JUP: variants seen among roughly 807,000 people sequenced by gnomAD.
JUP encodes junction plakoglobin, also known as catenin (cadherin-associated protein), gamma 80kDa.
A neutral mutation model predicts 71.1 loss-of-function variants in JUP; 28 were observed. The ratio of observed to expected loss-of-function variants is 0.39; its 90% CI spans 0.29 to 0.54. The LOEUF is 0.54. Among genes scored for constraint, JUP ranks in the 20% least tolerant of loss-of-function variants. The probability of loss-of-function intolerance (pLI) is 0.62; values close to 1 mark genes in which losing one functional copy is unlikely to be tolerated. For synonymous variants in JUP, 401 were observed against 438.9 expected, an observed-to-expected ratio of 0.91 and a Z score of 1.08; for missense variants, 869 against 1,030.1, an observed-to-expected ratio of 0.84 and a Z score of 2.14.
At position 41,771,818 on chromosome 17, in the gene JUP, C is replaced by T. The variant is rs2143738042; in HGVS notation, c.37G>A (p.Val13Met). 1 of 1,613,844 alleles carries T rather than the reference C, an allele frequency of 6.2e-7. No individual in the cohort carries two copies. Among genetic ancestry groups the T allele is most frequent in the Non-Finnish European group, 8.5e-7 (1 of 1,179,906 alleles). Residue 13 changes from valine (V) to methionine (M), a missense_variant, in exon 2 of 14, where the codon GTG becomes ATG. By Grantham distance (21) the Val-to-Met change is conservative. Transcript: ENST00000393931. The stretch of plus-strand genomic sequence containing the variant: ...GTGTATGTCTGCTGCCACTCAGTCA[C>T]CTTGATAGGCTGCTCCATCAGGTTC... ...VMNLMEQPIK[V>M]TEWQQTYTYD...
chr17:41,776,194 T>A (rs1941663228), intron 1 of JUP, among the ~76,000 whole-genome samples: 1 of 152,228 alleles, frequency 6.6e-6, no homozygotes, highest in African/African-American at 2.4e-5. Flanking sequence ...AGAGGTTCCT[T>A]AGGCTAGAGG....
chr17:41,762,960 T>C, intron 8 of JUP, 23 bp downstream of exon 8: 3 of 1,608,512 alleles, frequency 1.9e-6, no homozygotes, highest in South Asian at 2.2e-5. Context: ...AGGGAGCTCC[T>C]TCCCCTCGCC....
At chr17:41,757,821 G>C (rs782626658) in intron 10 of JUP, 37 bp from the exon 11 acceptor site, 1 of 1,570,234 alleles carries the variant, frequency 6.4e-7, no homozygotes, top group South Asian at 1.2e-5. Flanking sequence ...GGGAGAGGTG[G>C]AAAGGGGTGA....
At chr17:41,783,729 C>T (rs931373100) in intron 1 of JUP, among the ~76,000 whole-genome samples, 2 of 151,598 alleles carry the variant, frequency 1.3e-5, no homozygotes, top group Admixed American at 6.6e-5. Context: ...GACCAGCCTG[C>T]GCAACATGGT....
At chr17:41,760,040 C>T (rs1300812977) in intron 8 of JUP, among the ~76,000 whole-genome samples, 4 of 151,660 alleles carry the variant, frequency 2.6e-5, no homozygotes, top group Non-Finnish European at 5.9e-5. Flanking sequence ...ATGGTGAAAC[C>T]ACGTCTCTAC....
Position 41,755,629 on chromosome 17 carries a change from C to G in JUP, c.*115G>C, listed in dbSNP as rs1913568367. The G allele has an allele frequency of 9.6e-7, 1 of 1,040,940 alleles. No individual in the cohort carries two copies. Among genetic ancestry groups the G allele is most frequent in the Non-Finnish European group, 1.4e-6 (1 of 740,328 alleles). 64.5% of individuals were successfully genotyped at this position (1,040,940 alleles called of 1,614,324 possible). ...TTGGGGAAGCTCAGCAGCAAAGGATCCCCCCAAAAAAGGAGCGCAGGTTTC... is the reference window on the plus strand; with the variant it reads ...TTGGGGAAGCTCAGCAGCAAAGGATGCCCCCAAAAAAGGAGCGCAGGTTTC... On this transcript the variant is annotated 3_prime_UTR_variant, in exon 14 of 14. Transcript: ENST00000393931.
intron 1 of JUP, chr17:41,775,999 C>T (rs1195299563): frequency 1.0e-6 from 1 of 985,268 alleles, no homozygotes; most frequent in Non-Finnish European, 1.2e-6. Flanking sequence ...CCTTCCCCAG[C>T]CGGCACCTGC....
intron 2 of JUP, 121 bp from the exon 3 acceptor site, chr17:41,769,798 C>A (rs545209175): frequency 1.8e-6 from 2 of 1,125,312 alleles, no homozygotes; most frequent in African/African-American, 1.5e-5. Context: ...CTGCCCAAAC[C>A]CCCAGCACAT....
chr17:41,778,883 C>T (rs529271363), intron 1 of JUP, among the ~76,000 whole-genome samples: 1 of 151,210 alleles, frequency 6.6e-6, no homozygotes. Flanking sequence ...TGCACTCCAG[C>T]CTGGGTGACA....
At chr17:41,765,983 T>C (rs1915651512) in intron 5 of JUP, among the ~76,000 whole-genome samples, 1 of 152,202 alleles carries the variant, frequency 6.6e-6, no homozygotes. Flanking sequence ...AGGCTGGGTA[T>C]GGTGGCCCAT....
chr17:41,762,944 T>G, intron 8 of JUP, 39 bp downstream of exon 8: 1 of 1,588,506 alleles, frequency 6.3e-7, no homozygotes, highest in Non-Finnish European at 8.6e-7. Context: ...CACCTAAGCC[T>G]GCTGCAGGGA....
intron 6 of JUP, 27 bp downstream of exon 6, chr17:41,764,896 A>C (rs1915457159): frequency 6.2e-7 from 1 of 1,613,958 alleles, no homozygotes; most frequent in Non-Finnish European, 8.5e-7. Flanking sequence ...CTCCCACCCC[A>C]GCCGCCCTCA....
In JUP at chr17:41,765,012, T is replaced by C. The variant is rs1555603405; in HGVS notation, c.965A>G (p.Tyr322Cys). The change falls in exon 6 of 14, where the codon TAC (tyrosine) becomes TGC (cysteine). Residue 322 changes from tyrosine to cysteine, a missense_variant. Physicochemically the swap from Tyr to Cys is radical, Grantham distance 194 (BLOSUM62 -2). Coordinates refer to ENST00000393931, the MANE Select transcript of JUP (RefSeq NM_002230.4). ...PQALVQIMRN[Y>C]SYEKLLWTTS... ...GGTCCAGAGCAGCTTTTCATAACTG[T>C]AGTTACGCATGATCTGCACGAGGGC... is the stretch of plus-strand genomic sequence containing the variant. 6.2e-7 allele frequency: 1 copy of C among 1,613,832 alleles called. No homozygotes were observed. The highest frequency in any genetic ancestry group is 8.5e-7 in the Non-Finnish European group (1 of 1,179,912).
intron 1 of JUP, among the ~76,000 whole-genome samples, chr17:41,784,103 C>T (rs1353302010): frequency 6.6e-6 from 1 of 152,072 alleles, no homozygotes; most frequent in African/African-American, 2.4e-5. Flanking sequence ...CTCAGAACTG[C>T]CCCACTGTCC....
intron 7 of JUP, among the ~76,000 whole-genome samples, chr17:41,764,015 A>G (rs1320686637): frequency 1.3e-5 from 2 of 152,088 alleles, no homozygotes; most frequent in Non-Finnish European, 2.9e-5. Context: ...AGGGTCCCAC[A>G]CTCTAACCCC....
rs77622275 is a variant in JUP at position 41,784,614 on chromosome 17, C to G, written c.-9+1974G>C. ...CCCAAACTCCCTGCTCCTGTTGCTC[C>G]CCAGAGGTGCAGAATCCCATCCCCC... On this transcript the variant is annotated intron_variant, in intron 1 of 13. Transcript: ENST00000393931. Among the ~76,000 whole-genome samples, 1,511 of 152,240 alleles carry G rather than the reference C, an allele frequency of 9.9e-3. 11 individuals carry two copies. The highest frequency in any genetic ancestry group is 0.031 in the Middle Eastern group (9 of 294).
intron 1 of JUP, among the ~76,000 whole-genome samples, chr17:41,779,734 T>C (rs1476445564): frequency 6.6e-6 from 1 of 152,088 alleles, no homozygotes; most frequent in African/African-American, 2.4e-5. Context: ...GGCACAATCA[T>C]GGCTCACTGC....
Position 41,755,576 on chromosome 17 carries a change from G to T in JUP, c.*168C>A. On this transcript the variant is annotated 3_prime_UTR_variant, in exon 14 of 14. Coordinates refer to ENST00000393931, the MANE Select transcript of JUP (RefSeq NM_002230.4). ...CTCCCCATCCCCACCAAAGACACAAGAAGAAGGCAGGCCAGGGCACACCGT... is the reference window on the plus strand; with the variant it reads ...CTCCCCATCCCCACCAAAGACACAATAAGAAGGCAGGCCAGGGCACACCGT... 1 of 602,388 alleles carries T rather than the reference G, an allele frequency of 1.7e-6. No individual in the cohort carries two copies. The highest frequency in any genetic ancestry group is 3.6e-5 in the South Asian group (1 of 27,528). 37.3% of individuals were successfully genotyped at this position (602,388 alleles called of 1,614,324 possible). A position where few individuals can be genotyped will look rare whatever the true frequency, so the allele number is the denominator to read the frequency against.
Position 41,755,282 on chromosome 17 carries a change from G to A in JUP, c.*462C>T, listed in dbSNP as rs141323664. 2.3e-5 allele frequency: 9 copies of A among 399,570 alleles called. No homozygotes were observed. The East Asian group carries it at 3.2e-4, about 14-fold the overall frequency. The allele number at this position is 399,570 out of a possible 1,614,324, so 24.8% of individuals were successfully genotyped here. ...GACCCATGCCCAGGACAGAAAAGCAGGAGCAGAACACTATCCCAAGAAAGA... is the reference window on the plus strand; with the variant it reads ...GACCCATGCCCAGGACAGAAAAGCAAGAGCAGAACACTATCCCAAGAAAGA... On this transcript the variant is annotated 3_prime_UTR_variant, in exon 14 of 14. Transcript: ENST00000393931.
Sources: allele counts gnomAD v4.1 joint callset (sites outside exome capture counted in the v4.1 genomes callset), GRCh38; gene constraint gnomAD v4.1.1; transcripts MANE v1.5; gene names NCBI Gene and HGNC (gene_info 2026-07-23, HGNC 2026-07-21).